Variants in NDUFAF6 observed in about 807,000 individuals in gnomAD.
NDUFAF6 encodes the protein NADH dehydrogenase (ubiquinone) complex I, assembly factor 6.
In NDUFAF6, 45 loss-of-function variants were observed where a neutral mutation model predicts 40.8. The observed-to-expected ratio is 1.10, with a 90% CI of 0.87 to 1.42. The LOEUF is 1.42. NDUFAF6 is among the 40% of genes most tolerant of loss of function. NDUFAF6 has a pLI of 0.00. For missense variants in NDUFAF6, 435 were observed against 418.5 expected (o/e 1.04, Z -0.34); for synonymous variants, 185 against 155.9 (o/e 1.19, Z -1.39).
downstream of NDUFAF6, among the ~76,000 whole-genome samples, chr8:95,105,771 G>A (rs891826111): frequency 2.6e-5 from 4 of 151,852 alleles, no homozygotes; most frequent in Non-Finnish European, 5.9e-5. Context: ...AAATTGCTGG[G>A]ATTACAGGCG....
At chr8:94,931,974 A>G in intron 1 of NDUFAF6, 1 of 1,308,278 alleles carries the variant, frequency 7.6e-7, no homozygotes, top group South Asian at 1.3e-5. Context: ...TCCATCTCAA[A>G]AAAAGAAAGA....
At chr8:94,959,217 C>T (rs187905107) in intron 1 of NDUFAF6, among the ~76,000 whole-genome samples, 183 of 152,286 alleles carry the variant, frequency 1.2e-3, no homozygotes, top group African/African-American at 4.1e-3. Flanking sequence ...TGAGACTCTC[C>T]AGTCCAACCA....
intron 3 of NDUFAF6, among the ~76,000 whole-genome samples, chr8:95,038,732 C>T (rs958666967): frequency 2.0e-5 from 3 of 152,040 alleles, no homozygotes; most frequent in Admixed American, 2.0e-4. Context: ...AACTGGAGTG[C>T]AGTGGTGTGA....
chr8:95,086,364 T>C (rs1167276116), intron 2 of NDUFAF6, among the ~76,000 whole-genome samples: 1 of 152,226 alleles, frequency 6.6e-6, no homozygotes, highest in Non-Finnish European at 1.5e-5. Flanking sequence ...TTTGTACCAA[T>C]GGCACCCCAG....
intron 1 of NDUFAF6, among the ~76,000 whole-genome samples, chr8:94,966,253 A>C (rs371106164): frequency 1.3e-5 from 2 of 152,212 alleles, no homozygotes; most frequent in African/African-American, 4.8e-5. Flanking sequence ...GGGACTTCAC[A>C]TGTAAGGCTT....
intron 2 of NDUFAF6, chr8:94,950,087 A>T (rs1197431352): frequency 6.6e-6 from 1 of 152,422 alleles, no homozygotes; most frequent in Non-Finnish European, 1.5e-5. Context: ...CAGAGAGGTC[A>T]GCAGGCTCGG....
upstream of NDUFAF6, among the ~76,000 whole-genome samples, chr8:95,023,626 G>A (rs193042740): frequency 6.5e-4 from 99 of 152,314 alleles, no homozygotes; most frequent in African/African-American, 2.1e-3. Flanking sequence ...GTAGGCAGCT[G>A]CTGGCTGGGA....
chr8:94,902,411 C>T (rs1303834923), intron 1 of NDUFAF6, among the ~76,000 whole-genome samples: 6 of 113,910 alleles, frequency 5.3e-5, no homozygotes, highest in African/African-American at 6.3e-5. Context: ...AGAGTGAGGC[C>T]CTGTCTCAAA....
chr8:95,076,350 C>T (rs1833016721), downstream of NDUFAF6, among the ~76,000 whole-genome samples: 1 of 152,154 alleles, frequency 6.6e-6, no homozygotes, highest in South Asian at 2.1e-4. Context: ...AAGAATTGGG[C>T]CTGACCTTAG....
intron 8 of NDUFAF6, 21 bp downstream of exon 8, chr8:95,052,251 G>T (rs755932400): frequency 2.5e-6 from 4 of 1,610,378 alleles, no homozygotes; most frequent in Non-Finnish European, 3.4e-6. Flanking sequence ...TAACAGAGAA[G>T]GCTGTATAAT....
chr8:95,092,578 CTTTTTTTT>C (rs528845192), intron 2 of NDUFAF6, among the ~76,000 whole-genome samples: 1 of 77,800 alleles, frequency 1.3e-5, no homozygotes. Flanking sequence ...CTCACGAAGC[CTTTTTTTT>C]TTTTTTTTTT....
intron 2 of NDUFAF6, among the ~76,000 whole-genome samples, chr8:95,010,980 A>C (rs1190473055): frequency 6.6e-6 from 1 of 152,186 alleles, no homozygotes; most frequent in Non-Finnish European, 1.5e-5. Flanking sequence ...ACATTAAAGG[A>C]GTCTTCTGTG....
At chr8:94,914,471 G>T (rs1341697440) in intron 1 of NDUFAF6, among the ~76,000 whole-genome samples, 2 of 152,166 alleles carry the variant, frequency 1.3e-5, no homozygotes, top group Non-Finnish European at 1.5e-5. Context: ...TCCAGCCACC[G>T]CCAGTTTTAT....
At chr8:94,919,770 C>G (rs946379766) in intron 1 of NDUFAF6, among the ~76,000 whole-genome samples, 2 of 152,194 alleles carry the variant, frequency 1.3e-5, no homozygotes, top group Non-Finnish European at 2.9e-5. Flanking sequence ...CCCTGATGTT[C>G]TCAATGCTGA....
At chr8:94,994,424 A>C (rs1465582673) in intron 2 of NDUFAF6, among the ~76,000 whole-genome samples, 1 of 151,838 alleles carries the variant, frequency 6.6e-6, no homozygotes, top group African/African-American at 2.4e-5. Flanking sequence ...GGTGGCTGGC[A>C]CCTGTATTCC....
chr8:95,099,087 A>T (rs1809569566), upstream of NDUFAF6, among the ~76,000 whole-genome samples: 1 of 151,916 alleles, frequency 6.6e-6, no homozygotes, highest in African/African-American at 2.4e-5. Context: ...CTACAAATAA[A>T]AAATTAGCTG....
rs996117662 is a variant in NDUFAF6, at chr8:94,930,657, A to T, written c.-935-14826A>T. 3.7e-6 allele frequency: 6 copies of T among 1,614,132 alleles called. No individual in the cohort carries two copies. In the African/African-American group the frequency reaches 8.0e-5, roughly 22 times the overall value. On this transcript the variant is annotated intron_variant, in intron 1 of 14. Coordinates refer to the NDUFAF6 transcript ENST00000396113. ...GCGAAAGCTCTTGGGTTGTTCCAGA[A>T]AAGTTGTATGAGCAGCAAGAGCTGC...
chr8:94,907,073 T>G (rs770892824), intron 1 of NDUFAF6, among the ~76,000 whole-genome samples: 33 of 152,218 alleles, frequency 2.2e-4, no homozygotes, highest in Non-Finnish European at 2.9e-5. Context: ...TCCTGGCAAG[T>G]GAGAGAATGT....
intron 1 of NDUFAF6, among the ~76,000 whole-genome samples, chr8:94,959,879 C>G (rs1212000191): frequency 6.6e-6 from 1 of 152,132 alleles, no homozygotes; most frequent in Non-Finnish European, 1.5e-5. Flanking sequence ...TTGGGTCCCC[C>G]CCAGTTTCGG....
Sources: allele counts gnomAD v4.1 joint callset (sites outside exome capture counted in the v4.1 genomes callset), GRCh38; gene constraint gnomAD v4.1.1; transcripts MANE v1.5; gene names NCBI Gene and HGNC (gene_info 2026-07-23, HGNC 2026-07-21).